CCDC85A: variants seen among roughly 807,000 people sequenced by gnomAD.
CCDC85A encodes the protein coiled-coil domain-containing protein 85A.
In CCDC85A, 38 loss-of-function variants were observed where a neutral mutation model predicts 50.2. The observed-to-expected ratio is 0.76, with a 90% CI of 0.58 to 0.99. The LOEUF (loss-of-function observed/expected upper bound fraction) is 0.99. Ranked by LOEUF, CCDC85A falls within the 50% of genes least tolerant of loss-of-function variation. The probability of loss-of-function intolerance (pLI) is 0.00; values close to 1 mark genes in which losing one functional copy is unlikely to be tolerated. For synonymous variants in CCDC85A, 366 were observed against 301.4 expected (o/e 1.21, Z -2.22); for missense variants, 820 against 742.0 (o/e 1.11, Z -1.22).
intron 2 of CCDC85A, among the ~76,000 whole-genome samples, chr2:56,296,149 G>T (rs1297805784): frequency 6.6e-6 from 1 of 152,046 alleles, no homozygotes; most frequent in Admixed American, 6.6e-5. Context: ...AGCTTTCATT[G>T]CCTCTTTTTA....
chr2:56,323,660 A>G (rs1673327173), intron 2 of CCDC85A, among the ~76,000 whole-genome samples: 1 of 152,060 alleles, frequency 6.6e-6, no homozygotes, highest in Non-Finnish European at 1.5e-5. Flanking sequence ...GGTTATCACA[A>G]AGCAAGTAGT....
chr2:56,266,232 T>C (rs372080909), intron 2 of CCDC85A, among the ~76,000 whole-genome samples: 3 of 152,184 alleles, frequency 2.0e-5, no homozygotes, highest in South Asian at 2.1e-4. Flanking sequence ...CTCTATTATA[T>C]AGCATGGTGA....
intron 2 of CCDC85A, among the ~76,000 whole-genome samples, chr2:56,341,204 AT>A (rs1221295316): frequency 2.0e-5 from 3 of 152,168 alleles, no homozygotes; most frequent in South Asian, 4.1e-4. Context: ...TCATATACCA[AT>A]TAAACTGCTA....
intron 2 of CCDC85A, among the ~76,000 whole-genome samples, chr2:56,277,014 A>G (rs779335594): frequency 3.0e-4 from 46 of 152,200 alleles, no homozygotes; most frequent in Admixed American, 5.9e-4. Context: ...TCCTCCAAGA[A>G]CAGGCCAGCT....
At chr2:56,228,780 G>A (rs934858216) in intron 2 of CCDC85A, among the ~76,000 whole-genome samples, 3 of 152,146 alleles carry the variant, frequency 2.0e-5, no homozygotes, top group South Asian at 2.1e-4. Flanking sequence ...TGATCCGCCC[G>A]CCTCGGCCTC....
chr2:56,341,471 C>G (rs1353756036), intron 2 of CCDC85A, among the ~76,000 whole-genome samples: 1 of 152,134 alleles, frequency 6.6e-6, no homozygotes, highest in African/African-American at 2.4e-5. Context: ...GAAGTGTGCT[C>G]TGGAGAAAGT....
At chr2:56,328,373 G>A (rs531678998) in intron 2 of CCDC85A, among the ~76,000 whole-genome samples, 34 of 152,194 alleles carry the variant, frequency 2.2e-4, no homozygotes, top group African/African-American at 7.7e-4. Context: ...GTTCAAGGCT[G>A]GGGACAAGGG....
intron 3 of CCDC85A, among the ~76,000 whole-genome samples, chr2:56,359,550 C>G (rs977446973): frequency 2.0e-5 from 3 of 152,124 alleles, no homozygotes; most frequent in Non-Finnish European, 2.9e-5. Context: ...AAAATAGATA[C>G]CACATAGGCA....
At chr2:56,322,274 A>G (rs1673240344) in intron 2 of CCDC85A, among the ~76,000 whole-genome samples, 1 of 152,222 alleles carries the variant, frequency 6.6e-6, no homozygotes, top group African/African-American at 2.4e-5. Flanking sequence ...AATGGCAGCA[A>G]AAGCCCAAAT....
At position 56,340,876 on chromosome 2, in the gene CCDC85A, CAAAAAAAAAAAA is replaced by C. The variant is rs61603853; in HGVS notation, c.1241-1992_1241-1981del. On this transcript the variant is annotated intron_variant, in intron 2 of 5. Transcript: ENST00000407595. The stretch of plus-strand genomic sequence containing the variant: ...GGGCAACAACAGTGAAACTCCATCT[CAAAAAAAAAAAA>C]AAAAAAAAAAGCTTTAGAGCAGGAA... Among the ~76,000 whole-genome samples, 20 of 58,234 alleles carry C rather than the reference CAAAAAAAAAAAA, an allele frequency of 3.4e-4. 1 individual carries two copies. The East Asian group carries it at 8.2e-3, about 24-fold the overall frequency. The allele number at this position is 58,234 out of a possible 152,430, so 38.2% of individuals were successfully genotyped here.
chr2:56,303,403 C>G (rs1672294709), intron 2 of CCDC85A, among the ~76,000 whole-genome samples: 1 of 152,114 alleles, frequency 6.6e-6, no homozygotes, highest in South Asian at 2.1e-4. Flanking sequence ...TTCTCAATTC[C>G]TGGCACAGTA....
chr2:56,216,408 C>G (rs1352878669), intron 2 of CCDC85A, among the ~76,000 whole-genome samples: 2 of 151,728 alleles, frequency 1.3e-5, no homozygotes, highest in Admixed American at 6.6e-5. Flanking sequence ...TATCGTACTA[C>G]TTAAAATTTT....
chr2:56,303,326 CA>C (rs1672290999), intron 2 of CCDC85A, among the ~76,000 whole-genome samples: 1 of 151,666 alleles, frequency 6.6e-6, no homozygotes, highest in Admixed American at 6.6e-5. Context: ...TAAAAATAGT[CA>C]AAAAGACATA....
rs773486934 is a variant in CCDC85A at position 56,192,736 on chromosome 2, G to A, written c.536G>A (p.Gly179Asp). ...CVLLDEEKGA[G>D]CAGSRCSIDS... ...CTACTAGATGAGGAGAAGGGTGCAGGCTGCGCAGGCAGCCGCTGCTCCATC... is the reference window on the plus strand; with the variant it reads ...CTACTAGATGAGGAGAAGGGTGCAGACTGCGCAGGCAGCCGCTGCTCCATC... Residue 179 changes from glycine to aspartate, a missense_variant, in exon 2 of 6, where the codon GGC (glycine) becomes GAC (aspartate). Gly to Asp is a moderately conservative substitution (Grantham distance 94). Transcript: ENST00000407595. This position sits in a 1 kb window ranked among gnomAD's most constrained non-coding sequence, Gnocchi z 4.7. 1 of 1,613,518 alleles carries A rather than the reference G, an allele frequency of 6.2e-7. No individual in the cohort carries two copies. Among genetic ancestry groups the A allele is most frequent in the Non-Finnish European group, 8.5e-7 (1 of 1,179,804 alleles).
intron 2 of CCDC85A, among the ~76,000 whole-genome samples, chr2:56,337,612 C>T (rs1298620505): frequency 6.6e-6 from 1 of 152,152 alleles, no homozygotes; most frequent in Non-Finnish European, 1.5e-5. Context: ...TATCAAAATT[C>T]TATTGATGCA....
intron 2 of CCDC85A, among the ~76,000 whole-genome samples, chr2:56,253,865 G>A (rs1419259607): frequency 6.6e-6 from 1 of 152,156 alleles, no homozygotes; most frequent in South Asian, 2.1e-4. Flanking sequence ...TAAATAAAAT[G>A]TTTCCTCACA....
At chr2:56,186,381 A>T (rs1676047471) in intron 1 of CCDC85A, among the ~76,000 whole-genome samples, 2 of 152,290 alleles carry the variant, frequency 1.3e-5, no homozygotes, top group East Asian at 3.9e-4. Context: ...CCTTTTATTC[A>T]CCAATACAAT....
chr2:56,251,171 A>G (rs1039895004), intron 2 of CCDC85A, among the ~76,000 whole-genome samples: 1 of 152,190 alleles, frequency 6.6e-6, no homozygotes, highest in Non-Finnish European at 1.5e-5. Context: ...TGGGTGAACA[A>G]AGGGTATGGG....
At chr2:56,201,558 G>C (rs1378569373) in intron 2 of CCDC85A, among the ~76,000 whole-genome samples, 1 of 152,084 alleles carries the variant, frequency 6.6e-6, no homozygotes, top group Non-Finnish European at 1.5e-5. Context: ...GATCTAGGCT[G>C]TATGTAGCTA....
Sources: gnomAD v4.1 joint callset for allele counts (sites outside exome capture counted in the v4.1 genomes callset) on GRCh38, gnomAD v4.1.1 for gene constraint, Gnocchi (gnomAD v3.1) non-coding constraint, MANE v1.5 for transcripts, NCBI Gene and HGNC (gene_info 2026-07-23, HGNC 2026-07-21) for gene names.